MACROD2: variants seen among roughly 807,000 people sequenced by gnomAD.
The protein encoded by MACROD2 is ADP-ribose glycohydrolase MACROD2.
Under a neutral mutation model 70.4 loss-of-function variants are expected in MACROD2, and 36 were observed. That is an observed-to-expected ratio of 0.51 (90% CI 0.39 to 0.68). MACROD2 has a LOEUF of 0.68. Among genes scored for constraint, MACROD2 ranks in the 30% least tolerant of loss-of-function variants. The pLI is 0.00. For missense variants in MACROD2, 496 were observed against 538.4 expected (o/e 0.92, Z 0.78); for synonymous variants, 172 against 178.8 (o/e 0.96, Z 0.30).
intron 5 of MACROD2, among the ~76,000 whole-genome samples, chr20:14,829,157 T>TCTCA (rs1429554813): frequency 2.3e-5 from 3 of 132,492 alleles, no homozygotes; most frequent in Admixed American, 8.2e-5. Context: ...TGAGACAGAG[T>TCTCA]CTCACTCTGT....
At chr20:15,100,957 A>C (rs1404035147) in intron 5 of MACROD2, among the ~76,000 whole-genome samples, 1 of 152,138 alleles carries the variant, frequency 6.6e-6, no homozygotes, top group Non-Finnish European at 1.5e-5. Flanking sequence ...GATTCTCTGC[A>C]GGTGAACAGG....
chr20:15,276,386 A>T (rs414062), intron 6 of MACROD2, among the ~76,000 whole-genome samples: 2 of 146,402 alleles, frequency 1.4e-5, no homozygotes, highest in South Asian at 2.2e-4. Flanking sequence ...GGCGACAGAG[A>T]GAGACTCCCT....
chr20:15,341,269 A>C (rs993193813), intron 6 of MACROD2, among the ~76,000 whole-genome samples: 2 of 152,324 alleles, frequency 1.3e-5, no homozygotes, highest in African/African-American at 4.8e-5. Context: ...TATTGCTCAC[A>C]AAATAATTAA....
intron 3 of MACROD2, among the ~76,000 whole-genome samples, chr20:14,449,362 T>C (rs764418885): frequency 1.3e-5 from 2 of 152,090 alleles, no homozygotes; most frequent in Non-Finnish European, 2.9e-5. Context: ...ACTAAATACT[T>C]ATTATTGTGC....
chr20:15,765,993 GAGA>G lies in MACROD2; in HGVS notation c.646-96744_646-96742del, dbSNP rs139543954. Among the ~76,000 whole-genome samples the G allele has an allele frequency of 1.0e-2, 1,523 of 152,310 alleles. 16 individuals carry two copies. Among genetic ancestry groups the G allele is most frequent in the African/African-American group, 0.033 (1,380 of 41,564 alleles). ...GAGAGATAAACTAACTCAGGGATGT[GAGA>G]AGAAGAAAATAAATATCACTCTTAC... On this transcript the variant is annotated intron_variant, in intron 8 of 17. Transcript: ENST00000684519.
At chr20:15,087,186 G>A (rs568075541) in intron 5 of MACROD2, among the ~76,000 whole-genome samples, 40 of 151,914 alleles carry the variant, frequency 2.6e-4, no homozygotes, top group African/African-American at 8.4e-4. Flanking sequence ...TATAGCTATC[G>A]GGACTCTATT....
chr20:14,021,026 G>A (rs954174529), intron 2 of MACROD2, among the ~76,000 whole-genome samples: 4 of 109,006 alleles, frequency 3.7e-5, no homozygotes, highest in Non-Finnish European at 6.8e-5. Context: ...GTCTTGCTCT[G>A]TTGCCCAGGC....
intron 8 of MACROD2, among the ~76,000 whole-genome samples, chr20:15,519,166 A>G (rs1175998811): frequency 6.7e-6 from 1 of 148,516 alleles, no homozygotes; most frequent in East Asian, 2.0e-4. Flanking sequence ...GCTGGAGTGC[A>G]GTGGCACGAC....
In MACROD2 at chr20:15,059,379, T is replaced by C. The variant is rs570895273; in HGVS notation, c.419-170561T>C. 1.4e-4 allele frequency among the ~76,000 whole-genome samples: 3 copies of C among 21,478 alleles called. No homozygotes were observed. The Admixed American group carries it at 2.1e-3, about 15-fold the overall frequency. 14.1% of individuals were successfully genotyped at this position (21,478 alleles called of 152,430 possible). On this transcript the variant is annotated intron_variant, in intron 5 of 17. Transcript: ENST00000684519. ...CAGCCTGGGAGACAGAGCAAGACTT[T>C]GTCTCAAAAAAAAAGAATAGAAAAA...
chr20:15,428,842 T>C (rs1352916445), intron 6 of MACROD2, among the ~76,000 whole-genome samples: 1 of 151,952 alleles, frequency 6.6e-6, no homozygotes, highest in East Asian at 1.9e-4. Flanking sequence ...TCTAGGAAGG[T>C]AGAGGTAAAA....
intron 15 of MACROD2, among the ~76,000 whole-genome samples, chr20:15,998,714 G>A (rs112964484): frequency 2.8e-4 from 43 of 151,628 alleles, no homozygotes; most frequent in East Asian, 2.1e-3. Flanking sequence ...ACAGGCACCC[G>A]CCACCAAGCC....
chr20:15,124,702 ATTTC>A (rs1408644219), intron 5 of MACROD2, among the ~76,000 whole-genome samples: 1 of 151,912 alleles, frequency 6.6e-6, no homozygotes, highest in African/African-American at 2.4e-5. Flanking sequence ...TTATTTTTAT[ATTTC>A]TTCCAGTTCT....
intron 3 of MACROD2, among the ~76,000 whole-genome samples, chr20:14,295,837 T>C (rs2082422883): frequency 6.6e-6 from 1 of 151,844 alleles, no homozygotes; most frequent in Admixed American, 6.6e-5. Context: ...TTATTGCACA[T>C]GTTACTGTCT....
intron 6 of MACROD2, among the ~76,000 whole-genome samples, chr20:15,282,473 T>A (rs1041144387): frequency 6.6e-6 from 1 of 152,222 alleles, no homozygotes; most frequent in Admixed American, 6.5e-5. Context: ...ATATCTTCAA[T>A]GCTTTGTTGG....
chr20:15,087,757 A>G (rs1176392096), intron 5 of MACROD2, among the ~76,000 whole-genome samples: 4 of 152,026 alleles, frequency 2.6e-5, no homozygotes, highest in Admixed American at 1.3e-4. Flanking sequence ...ATTAAAAGAC[A>G]AATATGAGTG....
intron 8 of MACROD2, among the ~76,000 whole-genome samples, chr20:15,637,185 C>T (rs1569814): frequency 0.75 from 113,931 of 152,002 alleles, 43,275 homozygotes; most frequent in Non-Finnish European, 0.82. Context: ...GGGAACTAGC[C>T]TAGACTTACA....
At position 15,132,266 on chromosome 20, in the gene MACROD2, TATG is replaced by T. The variant is rs550528645; in HGVS notation, c.419-97673_419-97671del. On this transcript the variant is annotated intron_variant, in intron 5 of 17. Coordinates refer to ENST00000684519, the MANE Select transcript of MACROD2 (RefSeq NM_001351661.2). ...GAAATGCAAAGAGAATTTAACAAAA[TATG>T]GTGGTGGTAAGAGATGTTAATTCAT... Among the ~76,000 whole-genome samples the T allele has an allele frequency of 3.0e-4, 45 of 151,990 alleles. No individual in the cohort carries two copies. The South Asian group carries it at 7.9e-3, about 27-fold the overall frequency.
intron 8 of MACROD2, among the ~76,000 whole-genome samples, chr20:15,542,982 C>T (rs2047978204): frequency 6.6e-6 from 1 of 152,220 alleles, no homozygotes; most frequent in Non-Finnish European, 1.5e-5. Context: ...AGGTCCTTTA[C>T]AGCCTGGGCT....
intron 2 of MACROD2, among the ~76,000 whole-genome samples, chr20:14,049,267 C>T (rs975982735): frequency 1.3e-5 from 2 of 150,956 alleles, no homozygotes; most frequent in Non-Finnish European, 2.9e-5. Context: ...GGGGAATTCC[C>T]TGATGATAGA....
Sources: gnomAD v4.1 joint callset for allele counts (sites outside exome capture counted in the v4.1 genomes callset) on GRCh38, gnomAD v4.1.1 for gene constraint, MANE v1.5 for transcripts, NCBI Gene and HGNC (gene_info 2026-07-23, HGNC 2026-07-21) for gene names.